The following ARHGAP6 variants were observed in gnomAD, a reference collection of about 807,000 sequenced individuals.
ARHGAP6 encodes rho GTPase-activating protein 6.
Under a neutral mutation model 55.7 loss-of-function variants are expected in ARHGAP6, and 16 were observed. The observed-to-expected ratio is 0.29, with a 90% confidence interval of 0.19 to 0.44. The LOEUF (loss-of-function observed/expected upper bound fraction) is 0.44. Among genes scored for constraint, ARHGAP6 ranks in the 20% least tolerant of loss-of-function variants. ARHGAP6 has a pLI of 1.00. For missense variants in ARHGAP6, 698 were observed against 808.9 expected, an observed-to-expected ratio of 0.86 and a Z score of 1.66; for synonymous variants, 382 against 360.9, an observed-to-expected ratio of 1.06 and a Z score of -0.66.
intron 1 of ARHGAP6, among the ~76,000 whole-genome samples, chrX:11,517,475 A>C (rs562920136): frequency 9.0e-6 from 1 of 111,687 alleles, no homozygotes; most frequent in African/African-American, 3.2e-5. Context: ...TCTCGTGCAC[A>C]CTGTTCTCTA....
At chrX:11,484,342 TAGGAGG>T (rs200673259) in intron 1 of ARHGAP6, among the ~76,000 whole-genome samples, 1 of 100,418 alleles carries the variant, frequency 1.0e-5, no homozygotes, top group Non-Finnish European at 2.0e-5. Flanking sequence ...GAAGATTAAG[TAGGAGG>T]AGGAGGAGGA....
chrX:11,434,024 G>A (rs2049964412), intron 1 of ARHGAP6, among the ~76,000 whole-genome samples: 1 of 111,463 alleles, frequency 9.0e-6, no homozygotes, highest in Admixed American at 9.5e-5. Context: ...TTCTCAACAG[G>A]GGAAATTTTG....
intron 1 of ARHGAP6, among the ~76,000 whole-genome samples, chrX:11,362,929 T>G (rs1419396909): frequency 8.9e-6 from 1 of 111,857 alleles, no homozygotes; most frequent in African/African-American, 3.2e-5. Context: ...CACAGAATGT[T>G]TTTTCTATCT....
chrX:11,178,373 C>T (rs1465345475), intron 7 of ARHGAP6, 125 bp from the exon 8 acceptor site: 5 of 808,212 alleles, frequency 6.2e-6, no homozygotes, highest in Non-Finnish European at 3.4e-6. Flanking sequence ...TTCATGCCTT[C>T]ACTCATTTGC....
intron 1 of ARHGAP6, among the ~76,000 whole-genome samples, chrX:11,273,895 G>C (rs752360967): frequency 6.3e-5 from 7 of 111,423 alleles, no homozygotes; most frequent in African/African-American, 2.3e-4. Flanking sequence ...AGTCCCTTAT[G>C]GTGTACTCAT....
At chrX:11,205,209 T>A (rs1447571952) in intron 2 of ARHGAP6, among the ~76,000 whole-genome samples, 1 of 111,121 alleles carries the variant, frequency 9.0e-6, no homozygotes, top group African/African-American at 3.3e-5. Context: ...GTAAAATCTT[T>A]CAGTTACTCT....
intron 1 of ARHGAP6, among the ~76,000 whole-genome samples, chrX:11,367,325 T>A (rs2049094948): frequency 8.9e-6 from 1 of 111,802 alleles, no homozygotes; most frequent in Non-Finnish European, 1.9e-5. Flanking sequence ...CATGACAAGA[T>A]GACTGAGAGT....
At chrX:11,602,557 G>A (rs1023393477) in intron 1 of ARHGAP6, among the ~76,000 whole-genome samples, 9 of 112,847 alleles carry the variant, frequency 8.0e-5, no homozygotes, top group Non-Finnish European at 1.7e-4. Flanking sequence ...TAACTGATTG[G>A]TTAGGTCTAT....
chrX:11,393,462 G>A (rs1397003337), intron 1 of ARHGAP6, among the ~76,000 whole-genome samples: 2 of 111,637 alleles, frequency 1.8e-5, no homozygotes, highest in African/African-American at 6.5e-5. Context: ...TATATGCATA[G>A]ACATTATGTT....
At chrX:11,532,707 CTT>C (rs2051064468) in intron 1 of ARHGAP6, among the ~76,000 whole-genome samples, 2 of 111,973 alleles carry the variant, frequency 1.8e-5, no homozygotes, top group African/African-American at 6.5e-5. Flanking sequence ...TAAAGATAAA[CTT>C]TTATTGGAAT....
chrX:11,580,947 T>C (rs1049066681), intron 1 of ARHGAP6, among the ~76,000 whole-genome samples: 1 of 112,382 alleles, frequency 8.9e-6, no homozygotes, highest in Admixed American at 9.4e-5. Context: ...TACTGGAAAA[T>C]GTACACTCTT....
At chrX:11,641,188 G>C (rs758230389) in intron 1 of ARHGAP6, among the ~76,000 whole-genome samples, 3 of 111,108 alleles carry the variant, frequency 2.7e-5, no homozygotes, top group Non-Finnish European at 5.7e-5. Flanking sequence ...AGAAACATGG[G>C]GCAAATATGG....
chrX:11,634,577 C>G (rs1427287652), intron 1 of ARHGAP6, among the ~76,000 whole-genome samples: 1 of 111,603 alleles, frequency 9.0e-6, no homozygotes, highest in Non-Finnish European at 1.9e-5. Flanking sequence ...TAGAAATAAT[C>G]TAAATATCCA....
At chrX:11,662,698 T>C (rs1042126306) in intron 1 of ARHGAP6, among the ~76,000 whole-genome samples, 2 of 112,671 alleles carry the variant, frequency 1.8e-5, no homozygotes, top group Admixed American at 1.9e-4. Context: ...GTATACTATA[T>C]TCCAAGTATG....
chrX:11,628,402 T>G (rs984431469), intron 1 of ARHGAP6, among the ~76,000 whole-genome samples: 6 of 112,685 alleles, frequency 5.3e-5, no homozygotes, highest in African/African-American at 1.9e-4. Flanking sequence ...AAGGTATAAG[T>G]GAATCTGTAA....
intron 1 of ARHGAP6, among the ~76,000 whole-genome samples, chrX:11,501,919 C>A (rs1353750795): frequency 9.0e-6 from 1 of 110,710 alleles, no homozygotes; most frequent in African/African-American, 3.3e-5. Flanking sequence ...ACAAGTGGAC[C>A]CACACAGTTC....
chrX:11,197,145 T>G (rs1457453160), intron 2 of ARHGAP6, 149 bp from the exon 3 acceptor site: 2 of 414,038 alleles, frequency 4.8e-6, no homozygotes, highest in Non-Finnish European at 8.4e-6. Flanking sequence ...TGAGAATACA[T>G]GAAAATCCTG....
At chrX:11,185,142 CTGTG>C (rs3990773) in intron 5 of ARHGAP6, among the ~76,000 whole-genome samples, 2,131 of 95,895 alleles carry the variant, frequency 0.022, 26 homozygotes, top group African/African-American at 0.043. Flanking sequence ...TGGTGCATGA[CTGTG>C]TGTGTGTGTG....
chrX:11,477,621 G>A (rs1038888727), intron 1 of ARHGAP6, among the ~76,000 whole-genome samples: 2 of 111,977 alleles, frequency 1.8e-5, no homozygotes, highest in Non-Finnish European at 3.8e-5. Context: ...ATCCACAGAT[G>A]AACAAGTAAA....
Sources: gnomAD v4.1 joint callset for allele counts (sites outside exome capture counted in the v4.1 genomes callset) on GRCh38, gnomAD v4.1.1 for gene constraint, MANE v1.5 for transcripts, NCBI Gene and HGNC (gene_info 2026-07-23, HGNC 2026-07-21) for gene names.